The following PRKAR2A variants were observed in gnomAD, a reference collection of about 807,000 sequenced individuals.
PRKAR2A encodes protein kinase cAMP-dependent type II regulatory subunit alpha.
A neutral mutation model predicts 51.9 loss-of-function variants in PRKAR2A; 29 were observed. That is an observed-to-expected ratio of 0.56 (90% CI 0.42 to 0.76). PRKAR2A has a LOEUF of 0.76. PRKAR2A is among the 30% of genes least tolerant of loss of function. The pLI, the probability that PRKAR2A is intolerant of heterozygous loss-of-function variation, is 0.00. For synonymous variants in PRKAR2A, 178 were observed against 186.2 expected (o/e 0.96, Z 0.36); for missense variants, 445 against 512.1 (o/e 0.87, Z 1.26).
At chr3:48,825,001 T>A (rs2083036323) in intron 1 of PRKAR2A, among the ~76,000 whole-genome samples, 1 of 151,144 alleles carries the variant, frequency 6.6e-6, no homozygotes, top group South Asian at 2.1e-4. Context: ...TATGGTTAAG[T>A]TCTTGAATTT....
intron 1 of PRKAR2A, among the ~76,000 whole-genome samples, chr3:48,808,523 G>A (rs1211942946): frequency 7.2e-5 from 11 of 151,986 alleles, no homozygotes; most frequent in Non-Finnish European, 2.9e-5. Context: ...AAAGTGCTGG[G>A]ATTACAGGCG....
intron 8 of PRKAR2A, among the ~76,000 whole-genome samples, chr3:48,764,094 G>A (rs2081902934): frequency 6.6e-6 from 1 of 152,152 alleles, no homozygotes; most frequent in African/African-American, 2.4e-5. Context: ...TGGGTTCTAG[G>A]ATAAGCATAT....
At chr3:48,765,162 T>C in intron 7 of PRKAR2A, 84 bp from the exon 8 acceptor site, 1 of 1,538,160 alleles carries the variant, frequency 6.5e-7, no homozygotes, top group Non-Finnish European at 9.0e-7. Flanking sequence ...AGGATTAGAA[T>C]AGTATGATTT....
rs1215204071 is a variant in PRKAR2A, at chr3:48,772,948, C to G, written c.696+7G>C. The stretch of plus-strand genomic sequence containing the variant: ...GCCTTGCAAGGGGAACGATTTCTCT[C>G]ACTCACCAGTCCCCAAAGGGAGCCT... On this transcript the variant is annotated splice_region_variant and intron_variant, in intron 6 of 10. Coordinates refer to ENST00000265563, the MANE Select transcript of PRKAR2A (RefSeq NM_004157.4). 4 of 1,609,048 alleles carry G rather than the reference C, an allele frequency of 2.5e-6. 1 individual carries two copies. The highest frequency in any genetic ancestry group is 3.4e-6 in the Non-Finnish European group (4 of 1,177,494).
chr3:48,847,765 A>C lies in PRKAR2A; in HGVS notation c.-169T>G. Reference sequence around the variant, plus strand: ...CTGCGTTTCCGGGCCGCGCAACCCTACGCTACCACGGCCGACCTGGCACCG... The same window carrying C: ...CTGCGTTTCCGGGCCGCGCAACCCTCCGCTACCACGGCCGACCTGGCACCG... On this transcript the variant is annotated 5_prime_UTR_variant, in exon 1 of 11. Coordinates refer to ENST00000265563, the MANE Select transcript of PRKAR2A (RefSeq NM_004157.4). This position sits in a 1 kb window ranked among gnomAD's most constrained non-coding sequence, Gnocchi z 4.4. 1.5e-6 allele frequency: 1 copy of C among 665,840 alleles called. No homozygotes were observed. Among genetic ancestry groups the C allele is most frequent in the Non-Finnish European group, 2.2e-6 (1 of 457,644 alleles). The allele number at this position is 665,840 out of a possible 1,614,324, so 41.2% of individuals were successfully genotyped here. A position where few individuals can be genotyped will look rare whatever the true frequency, so the allele number is the denominator to read the frequency against.
chr3:48,824,363 C>T (rs2083022483), intron 1 of PRKAR2A, among the ~76,000 whole-genome samples: 1 of 151,522 alleles, frequency 6.6e-6, no homozygotes, highest in African/African-American at 2.4e-5. Context: ...CCACTGTGCT[C>T]CAGCCTGGGT....
chr3:48,829,552 A>G (rs1055926863), intron 1 of PRKAR2A, among the ~76,000 whole-genome samples: 36 of 132,158 alleles, frequency 2.7e-4, no homozygotes, highest in African/African-American at 5.0e-4. Context: ...AAAAATATAT[A>G]TGTGTATATA....
At chr3:48,801,115 G>T (rs540246912) in intron 2 of PRKAR2A, among the ~76,000 whole-genome samples, 1 of 152,202 alleles carries the variant, frequency 6.6e-6, no homozygotes, top group Non-Finnish European at 1.5e-5. Flanking sequence ...AAGTAGCTGG[G>T]ATTACAGGCG....
At chr3:48,817,067 G>A (rs753459396) in intron 1 of PRKAR2A, among the ~76,000 whole-genome samples, 3 of 151,958 alleles carry the variant, frequency 2.0e-5, no homozygotes, top group Non-Finnish European at 4.4e-5. Context: ...AGTGGCTCAC[G>A]CCTGTAATCC....
chr3:48,756,760 T>A (rs973116079), intron 8 of PRKAR2A, among the ~76,000 whole-genome samples: 1 of 152,216 alleles, frequency 6.6e-6, no homozygotes, highest in Non-Finnish European at 1.5e-5. Context: ...ACAAACACCA[T>A]CTACATCAGA....
intron 1 of PRKAR2A, among the ~76,000 whole-genome samples, chr3:48,836,604 C>T (rs1461397754): frequency 6.6e-6 from 1 of 151,192 alleles, no homozygotes; most frequent in African/African-American, 2.4e-5. Context: ...AATATGACAC[C>T]TATAGCACAA....
chr3:48,752,461 G>GGAGTT, intron 9 of PRKAR2A, 144 bp from the exon 10 acceptor site: 4 of 900,698 alleles, frequency 4.4e-6, no homozygotes, highest in Non-Finnish European at 6.6e-6. Flanking sequence ...ACTGTACCAT[G>GGAGTT]TAAACTCCAT....
intron 8 of PRKAR2A, among the ~76,000 whole-genome samples, chr3:48,761,973 G>GTGCTGGTCT (rs1388189674): frequency 3.9e-5 from 6 of 152,160 alleles, no homozygotes; most frequent in African/African-American, 1.4e-4. Flanking sequence ...CTATTGAATA[G>GTGCTGGTCT]TGCTGGTCTT....
intron 4 of PRKAR2A, among the ~76,000 whole-genome samples, chr3:48,785,960 G>A (rs1242217844): frequency 6.6e-6 from 1 of 151,654 alleles, no homozygotes; most frequent in African/African-American, 2.4e-5. Context: ...ATAGAAATTT[G>A]GGAAATAAAT....
At chr3:48,837,042 C>G (rs1247556976) in intron 1 of PRKAR2A, among the ~76,000 whole-genome samples, 1 of 151,998 alleles carries the variant, frequency 6.6e-6, no homozygotes, top group South Asian at 2.1e-4. Flanking sequence ...GTGAAAGGAT[C>G]GCTTGAGCCT....
chr3:48,776,660 G>C (rs1168690231), intron 5 of PRKAR2A, among the ~76,000 whole-genome samples: 1 of 152,042 alleles, frequency 6.6e-6, no homozygotes, highest in African/African-American at 2.4e-5. Context: ...GGCCAACATG[G>C]TAAAACCCTG....
intron 5 of PRKAR2A, among the ~76,000 whole-genome samples, chr3:48,776,272 AG>A (rs1214161770): frequency 3.3e-5 from 5 of 152,174 alleles, no homozygotes; most frequent in Non-Finnish European, 7.3e-5. Context: ...AGGTAATTAA[AG>A]CTTATAGCAA....
chr3:48,775,030 T>C lies in PRKAR2A; in HGVS notation c.543-1922A>G, dbSNP rs2082084440. 2.0e-5 allele frequency among the ~76,000 whole-genome samples: 3 copies of C among 152,240 alleles called. 1 individual carries two copies. In the South Asian group the frequency reaches 6.2e-4, roughly 31 times the overall value. ...TCTAGTTAGGGAAAGTTATTTTTGT[T>C]GCTAGTTTACTGAGCATTTTCATCA... On this transcript the variant is annotated intron_variant, in intron 5 of 10. Transcript: ENST00000265563.
At chr3:48,777,638 C>T (rs2082125862) in intron 5 of PRKAR2A, among the ~76,000 whole-genome samples, 1 of 152,178 alleles carries the variant, frequency 6.6e-6, no homozygotes, top group Admixed American at 6.6e-5. Context: ...ATCTCCTGAT[C>T]TTGTGATCCA....
Sources: allele counts gnomAD v4.1 joint callset (sites outside exome capture counted in the v4.1 genomes callset), GRCh38; gene constraint gnomAD v4.1.1; non-coding constraint Gnocchi (gnomAD v3.1); transcripts MANE v1.5; gene names NCBI Gene and HGNC (gene_info 2026-07-23, HGNC 2026-07-21).